SLC25A6: variants seen among roughly 807,000 people sequenced by gnomAD.
The protein encoded by SLC25A6 is ADP/ATP translocase 3.
A neutral mutation model predicts 25.7 loss-of-function variants in SLC25A6; 9 were observed. The observed-to-expected ratio is 0.35, with a 90% confidence interval of 0.21 to 0.61. SLC25A6 has a LOEUF of 0.61. Among genes scored for constraint, SLC25A6 ranks in the 20% least tolerant of loss-of-function variants. The pLI is 0.76. For missense variants in SLC25A6, 404 were observed against 440.5 expected (o/e 0.92, Z 0.74); for synonymous variants, 223 against 197.0 (o/e 1.13, Z -1.11).
chrX:1,386,592 G>C lies in SLC25A6; in HGVS notation c.*10C>G, dbSNP rs757170909. On this transcript the variant is annotated 3_prime_UTR_variant, in exon 4 of 4. Coordinates refer to ENST00000381401, the MANE Select transcript of SLC25A6 (RefSeq NM_001636.4). ...TGGTGTGTGTGTGTGTGTGGAGGAG[G>C]CCGCGGCCCTTAGATCACCTTCTTG... 1.3e-6 allele frequency: 2 copies of C among 1,544,018 alleles called. No individual in the cohort carries two copies. The highest frequency in any genetic ancestry group is 2.4e-5 in the East Asian group (1 of 41,682).
chrX:1,386,897 T>C, intron 3 of SLC25A6, 138 bp from the exon 4 acceptor site: 1 of 1,084,666 alleles, frequency 9.2e-7, no homozygotes, highest in Non-Finnish European at 1.3e-6. Context: ...GAGGGATACC[T>C]GAGGCTCCCC....
intron 3 of SLC25A6, 105 bp downstream of exon 3, chrX:1,387,174 C>A: frequency 7.2e-7 from 1 of 1,393,710 alleles, no homozygotes; most frequent in Non-Finnish European, 9.9e-7. Context: ...TTGTCTCACA[C>A]GCCCTGGAAG....
chrX:1,386,329 A>G lies in SLC25A6; in HGVS notation c.*273T>C. ...TGGCTCCTACAAGCATCTGGACTCT[A>G]GGTCTCAGTACTGGAGTGTCTCACC... On this transcript the variant is annotated 3_prime_UTR_variant, in exon 4 of 4. Coordinates refer to ENST00000381401, the MANE Select transcript of SLC25A6 (RefSeq NM_001636.4). The G allele has an allele frequency of 2.5e-6, 1 of 400,994 alleles. No homozygotes were observed. The highest frequency in any genetic ancestry group is 4.4e-6 in the Non-Finnish European group (1 of 228,094). The allele number at this position is 400,994 out of a possible 1,614,324, so 24.8% of individuals were successfully genotyped here.
Position 1,387,346 on chromosome X carries a change from G to A in SLC25A6, c.672C>T (p.Ala224=), listed in dbSNP as rs143974718. The A allele has an allele frequency of 2.2e-5, 35 of 1,613,224 alleles. No homozygotes were observed. Among genetic ancestry groups the A allele is most frequent in the South Asian group, 1.4e-4 (13 of 91,060 alleles). Residue 224 remains alanine (A), a synonymous_variant, in exon 3 of 4, where the codon GCC becomes GCT. Coordinates refer to ENST00000381401, the MANE Select transcript of SLC25A6 (RefSeq NM_001636.4). ...WMIAQTVTAV[A]GVVSYPFDTV... ...TGTCGAAGGGGTAGGACACCACGCC[G>A]GCCACGGCCGTCACGGTCTGCGCGA...
In SLC25A6 at chrX:1,387,280, T is replaced by A; in HGVS notation, c.738A>T (p.Gly246=). Residue 246 remains glycine (G), a splice_region_variant and synonymous_variant, in exon 3 of 4, where the codon GGA becomes GGT. Coordinates refer to ENST00000381401, the MANE Select transcript of SLC25A6 (RefSeq NM_001636.4). ...AGGGTCCCCCGCCCCCCCGAGTACC[T>A]CCTTTGCGCCCGGACTGCATCATCA... ...RRMMMQSGRK[G]ADIMYTGTVD... is the part of the protein sequence containing the mutation. 6.2e-7 allele frequency: 1 copy of A among 1,611,336 alleles called. No homozygotes were observed. Among genetic ancestry groups the A allele is most frequent in the Non-Finnish European group, 8.5e-7 (1 of 1,178,852 alleles).
rs1184571269 is a variant in SLC25A6 at position 1,386,613 on chromosome X, T to C, written c.886A>G (p.Lys296Glu). The change falls in exon 4 of 4, where the codon AAG becomes GAG. Residue 296 changes from lysine to glutamate, a missense_variant. Transcript: ENST00000381401. ...GGAGGCCGCGGCCCTTAGATCACCT[T>C]CTTGAGCTCGTCGTACAGGACCAGC... is the stretch of plus-strand genomic sequence containing the variant. The part of the protein sequence containing the change: ...FVLVLYDELK[K>E]VI 6.3e-7 allele frequency: 1 copy of C among 1,576,124 alleles called. No homozygotes were observed. Among genetic ancestry groups the C allele is most frequent in the Non-Finnish European group, 8.6e-7 (1 of 1,163,102 alleles).
Position 1,389,380 on chromosome X carries a change from C to A in SLC25A6, c.459G>T (p.Glu153Asp). 6.2e-7 allele frequency: 1 copy of A among 1,613,776 alleles called. No individual in the cohort carries two copies. Among genetic ancestry groups the A allele is most frequent in the Non-Finnish European group, 8.5e-7 (1 of 1,179,874 alleles). Residue 153 changes from glutamate (E) to aspartate (D), a missense_variant, in exon 2 of 4, where the codon GAG (glutamate) becomes GAT (aspartate). By Grantham distance (45) the Glu-to-Asp change is conservative. Coordinates refer to ENST00000381401, the MANE Select transcript of SLC25A6 (RefSeq NM_001636.4). ...ADVGKSGTER[E>D]FRGLGDCLVK... The stretch of plus-strand genomic sequence containing the variant: ...CCAGGCAGTCTCCCAGGCCTCGGAA[C>A]TCGCGCTCTGTGCCTGACTTTCCCA...
rs1191291020 is a variant in SLC25A6, at chrX:1,391,959, G to A, written c.51C>T (p.Ile17=). The change falls in exon 1 of 4, where the codon ATC becomes ATT. Residue 17 remains isoleucine (I), a synonymous_variant. Transcript: ENST00000381401. The stretch of plus-strand genomic sequence containing the variant: ...CGGCCGTCTTGGAGATGGCGGCGGC[G>A]ATGCCTCCGGCCAAGAAGTCTTTGG... ...SFAKDFLAGG[I]AAAISKTAVA... 1.9e-6 allele frequency: 3 copies of A among 1,609,566 alleles called. No individual in the cohort carries two copies. The highest frequency in any genetic ancestry group is 2.5e-6 in the Non-Finnish European group (3 of 1,178,962).
chrX:1,391,525 G>T (rs1390064299), intron 1 of SLC25A6, among the ~76,000 whole-genome samples: 1 of 152,226 alleles, frequency 6.6e-6, no homozygotes, highest in Non-Finnish European at 1.5e-5. Flanking sequence ...GGTGGAGGGA[G>T]CAAGAGCAGA....
At chrX:1,391,786 G>T (rs1225016704) in intron 1 of SLC25A6, 113 bp downstream of exon 1, 6 of 739,354 alleles carry the variant, frequency 8.1e-6, no homozygotes, top group African/African-American at 1.8e-5. Context: ...AAGCGATCGC[G>T]GCCTTCCACT....
At chrX:1,389,859 G>C (rs1311116638) in intron 1 of SLC25A6, 132 bp from the exon 2 acceptor site, 23 of 1,455,900 alleles carry the variant, frequency 1.6e-5, no homozygotes, top group Non-Finnish European at 2.1e-5. Flanking sequence ...GGGTGATCAA[G>C]TGATTCTCCT....
At chrX:1,391,581 C>T (rs1296011881) in intron 1 of SLC25A6, among the ~76,000 whole-genome samples, 2 of 152,234 alleles carry the variant, frequency 1.3e-5, no homozygotes, top group Non-Finnish European at 2.9e-5. Context: ...GCCGGGGGAC[C>T]CGCAGGATTG....
In SLC25A6 at chrX:1,386,602, T is replaced by C. The variant is rs1264470127; in HGVS notation, c.897A>G (p.Ter299=). The C allele has an allele frequency of 1.9e-6, 3 of 1,558,028 alleles. No homozygotes were observed. Among genetic ancestry groups the C allele is most frequent in the East Asian group, 4.8e-5 (2 of 42,096 alleles). Residue 299 remains the stop codon, a stop_retained_variant, in exon 4 of 4, where the codon TAA becomes TAG. Coordinates refer to ENST00000381401, the MANE Select transcript of SLC25A6 (RefSeq NM_001636.4). ...GTGTGTGTGGAGGAGGCCGCGGCCCTTAGATCACCTTCTTGAGCTCGTCGT... is the reference window on the plus strand; with the variant it reads ...GTGTGTGTGGAGGAGGCCGCGGCCCCTAGATCACCTTCTTGAGCTCGTCGT... ...VLYDELKKVI[*]
At chrX:1,387,494 G>C (rs2089341397) in intron 2 of SLC25A6, 75 bp from the exon 3 acceptor site, 2 of 1,581,358 alleles carry the variant, frequency 1.3e-6, no homozygotes, top group Non-Finnish European at 1.7e-6. Context: ...CCCAGGGTGT[G>C]CTCACGGCCC....
chrX:1,389,037 G>A (rs1396719013), intron 2 of SLC25A6, among the ~76,000 whole-genome samples: 1 of 151,544 alleles, frequency 6.6e-6, no homozygotes, highest in African/African-American at 2.4e-5. Context: ...CCCATAAGAA[G>A]AGAGGATGAG....
chrX:1,386,762 G>A lies in SLC25A6; in HGVS notation c.740-3C>T. 6.2e-7 allele frequency: 1 copy of A among 1,602,252 alleles called. No homozygotes were observed. The highest frequency in any genetic ancestry group is 2.2e-5 in the East Asian group (1 of 44,676). ...GGTGCCCGTGTACATGATGTCAGCT[G>A]CAACGACAGGGAGACAGTGAGGGCC... is the stretch of plus-strand genomic sequence containing the variant. On this transcript the variant is annotated splice_polypyrimidine_tract_variant and splice_region_variant and intron_variant, in intron 3 of 3. Coordinates refer to ENST00000381401, the MANE Select transcript of SLC25A6 (RefSeq NM_001636.4).
At chrX:1,388,779 A>T (rs181408457) in intron 2 of SLC25A6, among the ~76,000 whole-genome samples, 2 of 151,520 alleles carry the variant, frequency 1.3e-5, no homozygotes, top group Admixed American at 1.3e-4. Flanking sequence ...GCAGCCTGAA[A>T]TGGATTAAGA....
At chrX:1,390,937 A>T (rs1228701307) in intron 1 of SLC25A6, among the ~76,000 whole-genome samples, 9 of 149,724 alleles carry the variant, frequency 6.0e-5, no homozygotes, top group African/African-American at 2.2e-4. Context: ...AGTTTTAAAA[A>T]TTTTCTTAGA....
At position 1,389,337 on chromosome X, in the gene SLC25A6, C is replaced by T. The variant is rs11550226; in HGVS notation, c.502G>A (p.Asp168Asn). Residue 168 changes from aspartate to asparagine, a missense_variant, in exon 2 of 4, where the codon GAC becomes AAC. Physicochemically the swap from Asp to Asn is conservative, Grantham distance 23 (BLOSUM62 1). Transcript: ENST00000381401. Reference protein sequence around the residue: ...GDCLVKITKSDGIRGLYQGFS... With the variant: ...GDCLVKITKSNGIRGLYQGFS... Reference sequence around the variant, plus strand: ...CCCTGGTACAGGCCCCGGATGCCGTCGGACTTGGTGATCTTCACCAGGCAG... The same window carrying T: ...CCCTGGTACAGGCCCCGGATGCCGTTGGACTTGGTGATCTTCACCAGGCAG... The T allele has an allele frequency of 4.3e-6, 7 of 1,613,860 alleles. No individual in the cohort carries two copies. Among genetic ancestry groups the T allele is most frequent in the Non-Finnish European group, 4.2e-6 (5 of 1,179,866 alleles).
Sources: allele counts gnomAD v4.1 joint callset (sites outside exome capture counted in the v4.1 genomes callset), GRCh38; gene constraint gnomAD v4.1.1; transcripts MANE v1.5; gene names NCBI Gene and HGNC (gene_info 2026-07-23, HGNC 2026-07-21).